Variants in KIAA0232 observed in about 807,000 individuals in gnomAD.
KIAA0232 encodes the protein KIAA0232.
In KIAA0232, 27 loss-of-function variants were observed where a neutral mutation model predicts 122.0. That is an observed-to-expected ratio of 0.22 (90% CI 0.16 to 0.31). The LOEUF (loss-of-function observed/expected upper bound fraction) is 0.31. KIAA0232 is among the 10% of genes least tolerant of loss of function. The pLI is 1.00. For synonymous variants in KIAA0232, 613 were observed against 587.6 expected, an observed-to-expected ratio of 1.04 and a Z score of -0.63; for missense variants, 1,551 against 1,634.2, an observed-to-expected ratio of 0.95 and a Z score of 0.88.
At chr4:6,796,521 C>T (rs955591254) in intron 1 of KIAA0232, among the ~76,000 whole-genome samples, 1 of 152,180 alleles carries the variant, frequency 6.6e-6, no homozygotes, top group Admixed American at 6.5e-5. Flanking sequence ...GGATTGCAGG[C>T]GTGAGCCACC....
chr4:6,846,193 G>A (rs551941283), intron 4 of KIAA0232, among the ~76,000 whole-genome samples: 2 of 152,092 alleles, frequency 1.3e-5, no homozygotes, highest in Admixed American at 1.3e-4. Context: ...AATGTGCCAG[G>A]CATAACCAGA....
intron 7 of KIAA0232, among the ~76,000 whole-genome samples, chr4:6,866,826 G>C (rs1721211926): frequency 6.6e-6 from 1 of 152,140 alleles, no homozygotes; most frequent in Non-Finnish European, 1.5e-5. Flanking sequence ...CTTTGTCCTT[G>C]CCCATACAGA....
chr4:6,817,948 G>A (rs1376590323), intron 2 of KIAA0232, among the ~76,000 whole-genome samples: 2 of 151,670 alleles, frequency 1.3e-5, no homozygotes, highest in Non-Finnish European at 2.9e-5. Context: ...AGTATTTTTT[G>A]CGCCAAAATC....
chr4:6,877,814 C>T (rs981168048), intron 9 of KIAA0232, among the ~76,000 whole-genome samples: 9 of 152,156 alleles, frequency 5.9e-5, no homozygotes, highest in Non-Finnish European at 1.0e-4. Context: ...TGGCAACACC[C>T]CCACAGACAC....
intron 7 of KIAA0232, among the ~76,000 whole-genome samples, chr4:6,871,249 A>G (rs1721465858): frequency 6.6e-6 from 1 of 152,194 alleles, no homozygotes; most frequent in African/African-American, 2.4e-5. Flanking sequence ...CCTGGCCAAC[A>G]TGGCGAAACC....
At chr4:6,842,000 T>G in intron 3 of KIAA0232, 67 bp from the exon 4 acceptor site, 3 of 1,562,710 alleles carry the variant, frequency 1.9e-6, no homozygotes, top group Non-Finnish European at 2.6e-6. Flanking sequence ...TGAGTGTGTG[T>G]GGTAGGTGGA....
chr4:6,869,964 G>A (rs1387101981), intron 7 of KIAA0232, among the ~76,000 whole-genome samples: 1 of 152,230 alleles, frequency 6.6e-6, no homozygotes, highest in Non-Finnish European at 1.5e-5. Context: ...TGAGAACACA[G>A]TATTAGGGGA....
In KIAA0232 at chr4:6,882,625, GGT is replaced by G. The variant is rs61021076; in HGVS notation, c.*1681_*1682del. 43,179 of 150,522 alleles carry G rather than the reference GGT, an allele frequency of 0.29. 6,817 individuals are homozygous for G. The highest frequency in any genetic ancestry group is 0.36 in the Middle Eastern group (104 of 290). 9.3% of individuals were successfully genotyped at this position (150,522 alleles called of 1,614,324 possible). On this transcript the variant is annotated 3_prime_UTR_variant, in exon 10 of 10. Transcript: ENST00000307659. ...ATTTTTTGACACTTTAAGGTGGGTG[GGT>G]GTGTGTGTGTGTGTGTGTGTGCGCG...
intron 1 of KIAA0232, among the ~76,000 whole-genome samples, chr4:6,786,820 C>T (rs1186326171): frequency 1.3e-5 from 2 of 152,308 alleles, no homozygotes; most frequent in African/African-American, 2.4e-5. Context: ...GATGAAGTGC[C>T]TGCATTGCTG....
intron 1 of KIAA0232, among the ~76,000 whole-genome samples, chr4:6,801,125 G>A (rs1304724629): frequency 1.3e-5 from 2 of 152,152 alleles, no homozygotes; most frequent in African/African-American, 2.4e-5. Flanking sequence ...GACCTGTTGT[G>A]TCCAGTAGAA....
In KIAA0232 at chr4:6,882,118, CG is replaced by C. The variant is rs749652122; in HGVS notation, c.*1153del. ...GGGAGCCGGCGCATCTTGTGAGTCGCGTCTGTGCATGGCGATCCGCTCCTCC... is the reference window on the plus strand; with the variant it reads ...GGGAGCCGGCGCATCTTGTGAGTCGCTCTGTGCATGGCGATCCGCTCCTCC... On this transcript the variant is annotated 3_prime_UTR_variant, in exon 10 of 10. Coordinates refer to ENST00000307659, the MANE Select transcript of KIAA0232 (RefSeq NM_014743.3). The C allele has an allele frequency of 6.6e-6, 1 of 152,464 alleles. No homozygotes were observed. Among genetic ancestry groups the C allele is most frequent in the Non-Finnish European group, 1.5e-5 (1 of 68,052 alleles). 9.4% of individuals were successfully genotyped at this position (152,464 alleles called of 1,614,324 possible).
At chr4:6,817,896 C>A (rs577096298) in intron 2 of KIAA0232, among the ~76,000 whole-genome samples, 1 of 152,082 alleles carries the variant, frequency 6.6e-6, no homozygotes, top group Non-Finnish European at 1.5e-5. Flanking sequence ...TTTGATACAT[C>A]TATCCCTTTA....
At chr4:6,814,057 T>A (rs897108890) in intron 2 of KIAA0232, among the ~76,000 whole-genome samples, 1 of 152,154 alleles carries the variant, frequency 6.6e-6, no homozygotes, top group Admixed American at 6.5e-5. Context: ...TTAAAAGGGC[T>A]TGCAGTTGTG....
Position 6,876,720 on chromosome 4 carries a change from C to G in KIAA0232, c.3971C>G (p.Thr1324Arg). ...GLEEYPDAKE[T>R]PSNEERLLDF... ...GAAGAATATCCAGATGCTAAAGAGA[C>G]ACCCAGTAATGAAGAGCGCCTGTTA... is the stretch of plus-strand genomic sequence containing the variant. Residue 1324 changes from threonine to arginine, a missense_variant, in exon 9 of 10, where the codon ACA becomes AGA. Thr to Arg is a moderately conservative substitution (Grantham distance 71). Transcript: ENST00000307659. The G allele has an allele frequency of 6.2e-6, 10 of 1,612,986 alleles. No individual in the cohort carries two copies. Among genetic ancestry groups the G allele is most frequent in the Non-Finnish European group, 7.6e-6 (9 of 1,179,018 alleles).
At chr4:6,874,087 G>A (rs1281286098) in intron 8 of KIAA0232, among the ~76,000 whole-genome samples, 13 of 152,232 alleles carry the variant, frequency 8.5e-5, no homozygotes, top group African/African-American at 3.1e-4. Flanking sequence ...GCTCAGAAAA[G>A]AGGCAGCTTG....
chr4:6,814,249 C>A (rs1412941580), intron 2 of KIAA0232, among the ~76,000 whole-genome samples: 1 of 152,120 alleles, frequency 6.6e-6, no homozygotes, highest in East Asian at 1.9e-4. Flanking sequence ...TTGCACTTAA[C>A]CACCTTGGGT....
chr4:6,846,091 C>T lies in KIAA0232; in HGVS notation c.369+3887C>T, dbSNP rs544677585. Among the ~76,000 whole-genome samples, 15 of 68,810 alleles carry T rather than the reference C, an allele frequency of 2.2e-4. No individual in the cohort carries two copies. In the East Asian group the frequency reaches 3.9e-3, roughly 18 times the overall value. The allele number at this position is 68,810 out of a possible 152,430, so 45.1% of individuals were successfully genotyped here. On this transcript the variant is annotated intron_variant, in intron 4 of 9. Coordinates refer to ENST00000307659, the MANE Select transcript of KIAA0232 (RefSeq NM_014743.3). ...TGTACTTGTATTGCTCTTTCCTTCT[C>T]ATTTTATTTAAAAAAAAAAAGATTG...
chr4:6,786,745 T>C (rs1288098163), intron 1 of KIAA0232, among the ~76,000 whole-genome samples: 1 of 152,264 alleles, frequency 6.6e-6, no homozygotes, highest in Non-Finnish European at 1.5e-5. Flanking sequence ...TAAGTGGTAT[T>C]TTATACAAAG....
chr4:6,785,802 G>A (rs1716596056), intron 1 of KIAA0232, among the ~76,000 whole-genome samples: 1 of 152,186 alleles, frequency 6.6e-6, no homozygotes, highest in South Asian at 2.1e-4. Flanking sequence ...AGTCATCTCT[G>A]TACTTTATCT....
Sources: gnomAD v4.1 joint callset for allele counts (sites outside exome capture counted in the v4.1 genomes callset) on GRCh38, gnomAD v4.1.1 for gene constraint, MANE v1.5 for transcripts, NCBI Gene and HGNC (gene_info 2026-07-23, HGNC 2026-07-21) for gene names.